Variants in SLIT2 observed in about 807,000 individuals in gnomAD.
SLIT2 encodes the protein slit guidance ligand 2, also known as slit homolog 2 protein.
Under a neutral mutation model 185.7 loss-of-function variants are expected in SLIT2, and 41 were observed. That is an observed-to-expected ratio of 0.22 (90% CI 0.17 to 0.29). The LOEUF (loss-of-function observed/expected upper bound fraction) is 0.29, where lower values mean the gene tolerates loss of function less well. SLIT2 is among the 10% of genes least tolerant of loss of function. The pLI is 1.00. For synonymous variants in SLIT2, 693 were observed against 680.2 expected, an observed-to-expected ratio of 1.02 and a Z score of -0.29; for missense variants, 1,571 against 1,909.0, an observed-to-expected ratio of 0.82 and a Z score of 3.30.
At chr4:20,568,415 T>G (rs1725283758) in intron 28 of SLIT2, among the ~76,000 whole-genome samples, 1 of 152,044 alleles carries the variant, frequency 6.6e-6, no homozygotes, top group South Asian at 2.1e-4. Context: ...TTCGGATTTT[T>G]TTTTTCAAAA....
rs1205039657 is a variant in SLIT2, at chr4:20,472,295, G to GAT, written c.467+4478_467+4479dup. On this transcript the variant is annotated intron_variant, in intron 5 of 36. Transcript: ENST00000504154. Reference sequence around the variant, plus strand: ...ATATATCTATATATATAGATATATAGATATATAGATCTATATATAGATATA... The same window carrying GAT: ...ATATATCTATATATATAGATATATAGATATATATAGATCTATATATAGATATA... Among the ~76,000 whole-genome samples, 19 of 25,882 alleles carry GAT rather than the reference G, an allele frequency of 7.3e-4. 1 individual carries two copies. The Admixed American group carries it at 0.012, about 17-fold the overall frequency. The allele number at this position is 25,882 out of a possible 152,430, so 17.0% of individuals were successfully genotyped here. A position where few individuals can be genotyped will look rare whatever the true frequency, so the allele number is the denominator to read the frequency against.
chr4:20,418,198 C>T (rs1200791589), intron 4 of SLIT2, among the ~76,000 whole-genome samples: 6 of 152,282 alleles, frequency 3.9e-5, no homozygotes, highest in East Asian at 3.9e-4. Context: ...GACAGGATCA[C>T]GCTTTTTTCA....
At chr4:20,463,891 A>G (rs973536820) in intron 4 of SLIT2, among the ~76,000 whole-genome samples, 9 of 151,466 alleles carry the variant, frequency 5.9e-5, no homozygotes, top group African/African-American at 2.2e-4. Context: ...AAAAAAAAAA[A>G]AATTTCAAAA....
intron 4 of SLIT2, among the ~76,000 whole-genome samples, chr4:20,321,083 C>T (rs566856088): frequency 2.2e-4 from 34 of 152,180 alleles, no homozygotes; most frequent in African/African-American, 6.0e-4. Context: ...GACTAGATTG[C>T]GCCACTGCAC....
At chr4:20,552,381 T>C (rs1723839522) in intron 25 of SLIT2, 1 of 150,490 alleles carries the variant, frequency 6.6e-6, no homozygotes, top group Non-Finnish European at 1.5e-5. Context: ...TTTTTTTCTT[T>C]ATATATATAA....
chr4:20,262,602 T>A (rs2109017691), intron 3 of SLIT2, among the ~76,000 whole-genome samples: 1 of 152,018 alleles, frequency 6.6e-6, no homozygotes, highest in African/African-American at 2.4e-5. Flanking sequence ...CACACAAGTT[T>A]AAAATCATGG....
intron 21 of SLIT2, among the ~76,000 whole-genome samples, chr4:20,543,159 A>T (rs1419532761): frequency 2.0e-5 from 3 of 152,102 alleles, no homozygotes; most frequent in Admixed American, 1.3e-4. Context: ...AAACTAGCAT[A>T]ATCTCTTCCC....
chr4:20,271,492 T>C (rs865923074), intron 4 of SLIT2, among the ~76,000 whole-genome samples: 3 of 143,586 alleles, frequency 2.1e-5, no homozygotes, highest in South Asian at 2.2e-4. Context: ...ATTTATATAT[T>C]ATATATATAT....
chr4:20,415,303 C>T (rs1003925416), intron 4 of SLIT2, among the ~76,000 whole-genome samples: 2 of 147,654 alleles, frequency 1.4e-5, no homozygotes, highest in African/African-American at 5.0e-5. Context: ...CCCAGCTACT[C>T]AGGAGGCTGA....
intron 26 of SLIT2, among the ~76,000 whole-genome samples, chr4:20,561,793 G>A (rs958854071): frequency 1.3e-5 from 2 of 151,416 alleles, no homozygotes; most frequent in African/African-American, 2.4e-5. Flanking sequence ...TATGCTAAAC[G>A]TACCATTTAA....
At chr4:20,456,239 C>G (rs1489103484) in intron 4 of SLIT2, among the ~76,000 whole-genome samples, 1 of 152,116 alleles carries the variant, frequency 6.6e-6, no homozygotes, top group African/African-American at 2.4e-5. Context: ...GTCCTCTAGT[C>G]AGTGTTTTAG....
chr4:20,280,987 C>T (rs1440632432), intron 4 of SLIT2, among the ~76,000 whole-genome samples: 1 of 152,010 alleles, frequency 6.6e-6, no homozygotes, highest in Non-Finnish European at 1.5e-5. Flanking sequence ...CATGCGCCAC[C>T]ACGCCCGGCT....
At chr4:20,377,519 C>T (rs1284383304) in intron 4 of SLIT2, among the ~76,000 whole-genome samples, 1 of 152,140 alleles carries the variant, frequency 6.6e-6, no homozygotes, top group Non-Finnish European at 1.5e-5. Context: ...AAATAAAGAG[C>T]TGCTCATACT....
Position 20,375,251 on chromosome 4 carries a change from TATC to T in SLIT2, c.396-92496_396-92494del, listed in dbSNP as rs1193183238. Among the ~76,000 whole-genome samples the T allele has an allele frequency of 2.0e-5, 3 of 152,160 alleles. No homozygotes were observed. The East Asian group carries it at 5.8e-4, about 30-fold the overall frequency. ...TGAATAATTGTTGAAGGAAGAATGGTATCATCAGTCTTTTTGAGGAGTTTTGTT... is the reference window on the plus strand; with the variant it reads ...TGAATAATTGTTGAAGGAAGAATGGTATCAGTCTTTTTGAGGAGTTTTGTT... On this transcript the variant is annotated intron_variant, in intron 4 of 36. Transcript: ENST00000504154.
chr4:20,525,209 C>A, intron 15 of SLIT2, 37 bp downstream of exon 15: 6 of 1,491,802 alleles, frequency 4.0e-6, no homozygotes, highest in Non-Finnish European at 5.6e-6. Context: ...ACTACAGACA[C>A]CCTTTCCTCA....
At chr4:20,350,308 A>C (rs1721763221) in intron 4 of SLIT2, among the ~76,000 whole-genome samples, 1 of 151,368 alleles carries the variant, frequency 6.6e-6, no homozygotes, top group Non-Finnish European at 1.5e-5. Context: ...TTTAATGCTG[A>C]GTACAAATAT....
At chr4:20,324,566 A>G (rs192866320) in intron 4 of SLIT2, among the ~76,000 whole-genome samples, 1 of 152,302 alleles carries the variant, frequency 6.6e-6, no homozygotes, top group East Asian at 1.9e-4. Flanking sequence ...GATCTGTTGT[A>G]CAGCGTGATG....
chr4:20,337,766 A>T (rs1720626547), intron 4 of SLIT2, among the ~76,000 whole-genome samples: 1 of 152,184 alleles, frequency 6.6e-6, no homozygotes, highest in Non-Finnish European at 1.5e-5. Flanking sequence ...ACAGAGGTTG[A>T]TCTCAACATG....
rs1728742512 is a variant in SLIT2 at position 20,428,702 on chromosome 4, A to G, written c.396-39050A>G. The stretch of plus-strand genomic sequence containing the variant: ...CTTCCATCTAACAGCTAGACTTTCC[A>G]CTGGGTTCCTGGCCTGACTTCTGTA... On this transcript the variant is annotated intron_variant, in intron 4 of 36. Coordinates refer to ENST00000504154, the MANE Select transcript of SLIT2 (RefSeq NM_004787.4). Among the ~76,000 whole-genome samples, 6 of 152,198 alleles carry G rather than the reference A, an allele frequency of 3.9e-5. No homozygotes were observed. The South Asian group carries it at 1.2e-3, about 32-fold the overall frequency.
Sources: allele counts gnomAD v4.1 joint callset (sites outside exome capture counted in the v4.1 genomes callset), GRCh38; gene constraint gnomAD v4.1.1; transcripts MANE v1.5; gene names NCBI Gene and HGNC (gene_info 2026-07-23, HGNC 2026-07-21).